Variants in ANAPC10 observed in about 807,000 individuals in gnomAD.
ANAPC10 encodes anaphase-promoting complex subunit 10.
A neutral mutation model predicts 22.0 loss-of-function variants in ANAPC10; 12 were observed. The ratio of observed to expected loss-of-function variants is 0.55; its 90% CI spans 0.35 to 0.88. The LOEUF (loss-of-function observed/expected upper bound fraction) is 0.88, where lower values mean the gene tolerates loss of function less well. ANAPC10 is among the 40% of genes least tolerant of loss of function. The pLI is 0.01. For synonymous variants in ANAPC10, 65 were observed against 69.5 expected, an observed-to-expected ratio of 0.94 and a Z score of 0.32; for missense variants, 188 against 220.9, an observed-to-expected ratio of 0.85 and a Z score of 0.94.
chr4:145,023,794 G>GT (rs1736285864), intron 4 of ANAPC10, among the ~76,000 whole-genome samples: 1 of 152,146 alleles, frequency 6.6e-6, no homozygotes, highest in African/African-American at 2.4e-5. Flanking sequence ...TGGTGTCGCT[G>GT]AAGGTTTGGG....
rs1396463992 is a variant in ANAPC10, at chr4:144,995,576, A to T, written c.355T>A (p.Trp119Arg). Residue 119 changes from tryptophan to arginine, a missense_variant, in exon 5 of 5, where the codon TGG becomes AGG. Transcript: ENST00000507656. ...RQLELVEPSG[W>R]IHVPLTDNHK... Reference sequence around the variant, plus strand: ...TTGTCAGTTAAGGGAACATGAATCCAGCCACTTGGTTCCACCAACTCAAGT... The same window carrying T: ...TTGTCAGTTAAGGGAACATGAATCCTGCCACTTGGTTCCACCAACTCAAGT... 1 of 1,612,282 alleles carries T rather than the reference A, an allele frequency of 6.2e-7. No homozygotes were observed. The highest frequency in any genetic ancestry group is 8.5e-7 in the Non-Finnish European group (1 of 1,179,500).
At chr4:145,025,731 T>C (rs1246476521) in intron 4 of ANAPC10, among the ~76,000 whole-genome samples, 3 of 152,172 alleles carry the variant, frequency 2.0e-5, no homozygotes, top group Non-Finnish European at 4.4e-5. Flanking sequence ...AATGAGCACA[T>C]GCTGCTGGAA....
chr4:145,018,774 A>G (rs996486341), intron 4 of ANAPC10, among the ~76,000 whole-genome samples: 6 of 152,198 alleles, frequency 3.9e-5, no homozygotes, highest in Non-Finnish European at 8.8e-5. Context: ...GTAAATGGAC[A>G]CCAAAAGTGA....
At chr4:145,023,202 T>A (rs1241968576) in intron 4 of ANAPC10, among the ~76,000 whole-genome samples, 3 of 152,008 alleles carry the variant, frequency 2.0e-5, no homozygotes, top group African/African-American at 7.2e-5. Context: ...ACAATATGAT[T>A]CCATCTATGC....
At chr4:145,071,745 A>T (rs562207439) in intron 3 of ANAPC10, among the ~76,000 whole-genome samples, 3 of 152,308 alleles carry the variant, frequency 2.0e-5, no homozygotes, top group East Asian at 3.9e-4. Flanking sequence ...GTAAAAAAGA[A>T]GATGATTAAT....
At chr4:145,053,801 C>T in intron 4 of ANAPC10, 1 of 639,514 alleles carries the variant, frequency 1.6e-6, no homozygotes, top group Non-Finnish European at 2.8e-6. Flanking sequence ...AAAAAGGTTC[C>T]TGACTAGGCT....
At position 144,995,148 on chromosome 4, in the gene ANAPC10, T is replaced by C. The variant is rs1057152323; in HGVS notation, c.*225A>G. 1 of 311,238 alleles carries C rather than the reference T, an allele frequency of 3.2e-6. No homozygotes were observed. The highest frequency in any genetic ancestry group is 5.8e-6 in the Non-Finnish European group (1 of 170,966). The allele number at this position is 311,238 out of a possible 1,614,324, so 19.3% of individuals were successfully genotyped here. A position where few individuals can be genotyped will look rare whatever the true frequency, so the allele number is the denominator to read the frequency against. ...TACAAGGGAAAATAAAATGATTGGC[T>C]TCAAATCCATTTTTAGTAATGTAAA... On this transcript the variant is annotated 3_prime_UTR_variant, in exon 5 of 5. Coordinates refer to ENST00000507656, the MANE Select transcript of ANAPC10 (RefSeq NM_001256706.2).
chr4:145,034,456 C>T (rs1185993969), intron 4 of ANAPC10, among the ~76,000 whole-genome samples: 1 of 150,178 alleles, frequency 6.7e-6, no homozygotes, highest in Non-Finnish European at 1.5e-5. Context: ...CTCCTTGCTC[C>T]TCAGCTTGCA....
chr4:145,062,439 C>G (rs1275291043), intron 4 of ANAPC10, among the ~76,000 whole-genome samples: 1 of 151,564 alleles, frequency 6.6e-6, no homozygotes, highest in African/African-American at 2.4e-5. Flanking sequence ...AACTCCATCT[C>G]TACTAAAAAT....
chr4:145,052,781 G>A (rs552123173), intron 4 of ANAPC10, among the ~76,000 whole-genome samples: 103 of 151,838 alleles, frequency 6.8e-4, no homozygotes, highest in Middle Eastern at 3.4e-3. Context: ...CCAGCTACTC[G>A]GGAGGCTGAG....
At chr4:145,011,129 C>G (rs1443978298) in intron 4 of ANAPC10, among the ~76,000 whole-genome samples, 1 of 151,820 alleles carries the variant, frequency 6.6e-6, no homozygotes. Context: ...GTCAGGAGTT[C>G]GAGACCAACC....
At position 144,995,533 on chromosome 4, in the gene ANAPC10, C is replaced by G; in HGVS notation, c.398G>C (p.Arg133Pro). The G allele has an allele frequency of 1.2e-6, 2 of 1,613,832 alleles. No homozygotes were observed. Among genetic ancestry groups the G allele is most frequent in the East Asian group, 2.2e-5 (1 of 44,822 alleles). ...AACAGCAATCTGTATCATGAATGTA[C>G]GAGTTGGCTTCTTATGATTGTCAGT... The part of the protein sequence containing the change: ...PLTDNHKKPT[R>P]TFMIQIAVLA... Residue 133 changes from arginine to proline, a missense_variant, in exon 5 of 5, where the codon CGT (arginine) becomes CCT (proline). Transcript: ENST00000507656.
intron 4 of ANAPC10, among the ~76,000 whole-genome samples, chr4:145,013,358 T>C (rs1578905897): frequency 1.3e-5 from 2 of 152,262 alleles, no homozygotes; most frequent in Non-Finnish European, 2.9e-5. Flanking sequence ...TCTAGGTATG[T>C]ATGGCTGGAT....
intron 3 of ANAPC10, among the ~76,000 whole-genome samples, chr4:145,067,021 A>G (rs1416128715): frequency 6.7e-6 from 1 of 148,728 alleles, no homozygotes; most frequent in Non-Finnish European, 1.5e-5. Flanking sequence ...TCACGTACCC[A>G]CAGAAATCGT....
At chr4:145,005,930 G>A (rs1733272717) in intron 4 of ANAPC10, among the ~76,000 whole-genome samples, 1 of 152,128 alleles carries the variant, frequency 6.6e-6, no homozygotes, top group Non-Finnish European at 1.5e-5. Context: ...TGTATATTCT[G>A]CTGTTTTGGA....
intron 4 of ANAPC10, among the ~76,000 whole-genome samples, chr4:145,014,351 CAG>C (rs966031890): frequency 2.0e-5 from 3 of 151,870 alleles, no homozygotes; most frequent in Non-Finnish European, 4.4e-5. Flanking sequence ...CGTGACTCAG[CAG>C]AGGCAGCCAT....
rs943531853 is a variant in ANAPC10 at position 145,010,260 on chromosome 4, T to C, written c.328-14657A>G. Among the ~76,000 whole-genome samples the C allele has an allele frequency of 5.9e-5, 9 of 152,290 alleles. No individual in the cohort carries two copies. In the South Asian group the frequency reaches 1.4e-3, roughly 25 times the overall value. On this transcript the variant is annotated intron_variant, in intron 4 of 4. Coordinates refer to ENST00000507656, the MANE Select transcript of ANAPC10 (RefSeq NM_001256706.2). ...CTAGTTCAACCATTGTGGAAGACAGTGTGGCAATTCCTCAGGGATCTAGAA... is the reference window on the plus strand; with the variant it reads ...CTAGTTCAACCATTGTGGAAGACAGCGTGGCAATTCCTCAGGGATCTAGAA...
intron 4 of ANAPC10, among the ~76,000 whole-genome samples, chr4:145,017,112 T>C (rs1401878347): frequency 3.9e-5 from 6 of 152,150 alleles, no homozygotes; most frequent in Middle Eastern, 3.4e-3. Context: ...AAAGCCAAAA[T>C]TGACAAATGG....
chr4:145,060,015 C>A lies in ANAPC10; in HGVS notation c.327+4557G>T, dbSNP rs184075664. ...ACATGAATTCATGCACAAAAGTAAC[C>A]CAACTGAGATGAAGCATTCTGCAAA... On this transcript the variant is annotated intron_variant, in intron 4 of 4. Transcript: ENST00000507656. Among the ~76,000 whole-genome samples the A allele has an allele frequency of 3.3e-5, 5 of 151,940 alleles. No homozygotes were observed. In the East Asian group the frequency reaches 7.7e-4, roughly 23 times the overall value.
Sources: gnomAD v4.1 joint callset for allele counts (sites outside exome capture counted in the v4.1 genomes callset) on GRCh38, gnomAD v4.1.1 for gene constraint, MANE v1.5 for transcripts, NCBI Gene and HGNC (gene_info 2026-07-23, HGNC 2026-07-21) for gene names.